ABCB5: variants seen among roughly 807,000 people sequenced by gnomAD.
ABCB5 encodes ATP binding cassette subfamily B member 5.
Under a neutral mutation model 144.2 loss-of-function variants are expected in ABCB5, and 155 were observed. That is an observed-to-expected ratio of 1.08 (90% CI 0.94 to 1.23). The LOEUF is 1.23. Ranked by LOEUF, ABCB5 falls within the 50% of genes most tolerant of loss-of-function variation. The probability of loss-of-function intolerance (pLI) is 0.00; values close to 1 mark genes in which losing one functional copy is unlikely to be tolerated. For missense variants in ABCB5, 1,830 were observed against 1,520.8 expected (o/e 1.20, Z -3.38); for synonymous variants, 610 against 528.6 (o/e 1.15, Z -2.11).
intron 14 of ABCB5, among the ~76,000 whole-genome samples, chr7:20,668,748 G>T: frequency 7.0e-6 from 1 of 142,228 alleles, no homozygotes; most frequent in Non-Finnish European, 1.5e-5. Flanking sequence ...CGCCCGGCCA[G>T]CCGCCCAGTC....
chr7:20,651,393 A>C (rs1371159096), intron 12 of ABCB5, 27 bp from the exon 13 acceptor site: 1 of 1,613,206 alleles, frequency 6.2e-7, no homozygotes, highest in African/African-American at 1.3e-5. Flanking sequence ...AAGGCATCAC[A>C]ACATGGTTCA....
At chr7:20,718,134 C>T (rs1237969740) in intron 20 of ABCB5, among the ~76,000 whole-genome samples, 3 of 151,220 alleles carry the variant, frequency 2.0e-5, no homozygotes, top group African/African-American at 7.3e-5. Context: ...TGGTCTTGAT[C>T]TCCGGACCTC....
At chr7:20,698,910 C>A (rs145147738) in intron 17 of ABCB5, among the ~76,000 whole-genome samples, 72 of 152,272 alleles carry the variant, frequency 4.7e-4, no homozygotes, top group African/African-American at 1.7e-3. Context: ...TACCAGCCAG[C>A]TCAGGGAGAA....
At chr7:20,727,736 G>C (rs910499944) in intron 22 of ABCB5, among the ~76,000 whole-genome samples, 1 of 152,154 alleles carries the variant, frequency 6.6e-6, no homozygotes, top group Non-Finnish European at 1.5e-5. Flanking sequence ...CAAGAGAAAA[G>C]AGCTCGGCCC....
At chr7:20,681,014 CTTTCTTTCTTTCTTTCTT>C (rs1562558917) in intron 14 of ABCB5, among the ~76,000 whole-genome samples, 3,181 of 14,534 alleles carry the variant, frequency 0.22, 244 homozygotes, top group African/African-American at 0.34. Context: ...TTCTTTCTTT[CTTTCTTTCTTTCTTTCTT>C]TCTCTTTCTT....
rs183703345 is a variant in ABCB5, at chr7:20,625,357, C to G, written c.54-1200C>G. Among the ~76,000 whole-genome samples, 64 of 152,248 alleles carry G rather than the reference C, an allele frequency of 4.2e-4. 1 individual carries two copies. In the South Asian group the frequency reaches 6.4e-3, roughly 15 times the overall value. ...CTTAAACTGTTCCCTACAGTCTTCT[C>G]TTAATGTTTCAGAATTTTGCGCGTG... On this transcript the variant is annotated intron_variant, in intron 2 of 27. Transcript: ENST00000404938.
chr7:20,626,531 C>CTG, intron 2 of ABCB5, 26 bp from the exon 3 acceptor site: 1 of 1,591,808 alleles, frequency 6.3e-7, no homozygotes, highest in Non-Finnish European at 8.6e-7. Flanking sequence ...ATTGTAACTG[C>CTG]TGCATTTTGA....
intron 5 of ABCB5, among the ~76,000 whole-genome samples, chr7:20,639,868 T>C (rs1389096156): frequency 6.6e-6 from 1 of 152,210 alleles, no homozygotes; most frequent in Non-Finnish European, 1.5e-5. Context: ...TATGATCACC[T>C]TGTCAATTTC....
chr7:20,648,282 T>C (rs1351907290), intron 11 of ABCB5, among the ~76,000 whole-genome samples: 1 of 152,204 alleles, frequency 6.6e-6, no homozygotes, highest in Non-Finnish European at 1.5e-5. Flanking sequence ...TATATTCAAC[T>C]GACTAAAGCA....
chr7:20,722,796 TG>T (rs1413416245), intron 20 of ABCB5, among the ~76,000 whole-genome samples: 2 of 152,032 alleles, frequency 1.3e-5, no homozygotes, highest in Non-Finnish European at 2.9e-5. Context: ...CACTCCAGCC[TG>T]GGTGACAGAG....
chr7:20,631,161 C>T (rs1354184025), intron 4 of ABCB5, among the ~76,000 whole-genome samples: 1 of 152,098 alleles, frequency 6.6e-6, no homozygotes, highest in Non-Finnish European at 1.5e-5. Flanking sequence ...ATAATCTACA[C>T]ACTGAGATTA....
At chr7:20,646,488 A>C (rs1858948) in intron 9 of ABCB5, among the ~76,000 whole-genome samples, 63,059 of 151,950 alleles carry the variant, frequency 0.41, 14,213 homozygotes, top group East Asian at 0.66. Flanking sequence ...GATCAGACGG[A>C]GTTCTGCATT....
chr7:20,742,823 G>A (rs1782603135), intron 24 of ABCB5, 54 bp from the exon 25 acceptor site: 5 of 1,564,226 alleles, frequency 3.2e-6, no homozygotes, highest in Non-Finnish European at 4.4e-6. Flanking sequence ...ATGCTACAGT[G>A]TGTTACAACC....
At chr7:20,616,084 G>A (rs1468006358) in intron 1 of ABCB5, among the ~76,000 whole-genome samples, 1 of 152,184 alleles carries the variant, frequency 6.6e-6, no homozygotes, top group African/African-American at 2.4e-5. Context: ...CACCCAGGCT[G>A]GAGTGCAGTG....
At chr7:20,676,697 ATATTG>A (rs1583418177) in intron 14 of ABCB5, among the ~76,000 whole-genome samples, 1 of 152,300 alleles carries the variant, frequency 6.6e-6, no homozygotes, top group East Asian at 1.9e-4. Flanking sequence ...ATAGTTGGCA[ATATTG>A]TATTGTATTG....
rs10232194 is a variant in ABCB5 at position 20,658,465 on chromosome 7, G to T, written c.1537-41G>T. 7.5e-6 allele frequency: 12 copies of T among 1,590,950 alleles called. No individual in the cohort carries two copies. The South Asian group carries it at 1.2e-4, about 16-fold the overall frequency. On this transcript the variant is annotated intron_variant, in intron 13 of 27. Coordinates refer to ENST00000404938, the MANE Select transcript of ABCB5 (RefSeq NM_001163941.2). ...TTTCCTGTTCTAACCATTTGATCAC[G>T]CTGCCTTCTGTTTCTGTGCTTCTTT... is the stretch of plus-strand genomic sequence containing the variant.
Position 20,755,534 on chromosome 7 carries a change from T to G in ABCB5, c.3684T>G (p.Asn1228Lys), listed in dbSNP as rs774493566. The G allele has an allele frequency of 1.2e-6, 2 of 1,614,044 alleles. No individual in the cohort carries two copies. Among genetic ancestry groups the G allele is most frequent in the Non-Finnish European group, 1.7e-6 (2 of 1,180,006 alleles). Reference sequence around the variant, plus strand: ...CAGATTTGATAGTGGTTCTGCACAATGGAAAGATAAAGGAACAAGGAACTC... The same window carrying G: ...CAGATTTGATAGTGGTTCTGCACAAGGGAAAGATAAAGGAACAAGGAACTC... ...QNADLIVVLHNGKIKEQGTHQ... is the reference protein window; with the variant it reads ...QNADLIVVLHKGKIKEQGTHQ... The change falls in exon 28 of 28, where the codon AAT becomes AAG. Residue 1228 changes from asparagine (N) to lysine (K), a missense_variant. Asn to Lys is a moderately conservative substitution (Grantham distance 94). Coordinates refer to ENST00000404938, the MANE Select transcript of ABCB5 (RefSeq NM_001163941.2).
intron 2 of ABCB5, among the ~76,000 whole-genome samples, chr7:20,624,084 G>T (rs577748281): frequency 1.3e-5 from 2 of 152,162 alleles, no homozygotes; most frequent in African/African-American, 2.4e-5. Context: ...TTTTCCCAAA[G>T]TAAATGTTCT....
Position 20,745,443 on chromosome 7 carries a change from GA to G in ABCB5, c.3429+9del. On this transcript the variant is annotated splice_donor_region_variant and intron_variant, in intron 26 of 27. Coordinates refer to ENST00000404938, the MANE Select transcript of ABCB5 (RefSeq NM_001163941.2). The stretch of plus-strand genomic sequence containing the variant: ...TTTATTGAAGGTCTCCCTGAGGTAA[GA>G]AAATTTCTGAAATCTTGAATTATAA... 3 of 1,613,756 alleles carry G rather than the reference GA, an allele frequency of 1.9e-6. No homozygotes were observed. Among genetic ancestry groups the G allele is most frequent in the Non-Finnish European group, 2.5e-6 (3 of 1,179,864 alleles).
Sources: allele counts gnomAD v4.1 joint callset (sites outside exome capture counted in the v4.1 genomes callset), GRCh38; gene constraint gnomAD v4.1.1; transcripts MANE v1.5; gene names NCBI Gene and HGNC (gene_info 2026-07-23, HGNC 2026-07-21).